VDAC1: variants seen among roughly 807,000 people sequenced by gnomAD.
VDAC1 encodes voltage dependent anion channel 1.
Under a neutral mutation model 34.7 loss-of-function variants are expected in VDAC1, and 10 were observed. The observed-to-expected ratio is 0.29, with a 90% CI of 0.18 to 0.49. The LOEUF is 0.49. Ranked by LOEUF, VDAC1 falls within the 20% of genes least tolerant of loss-of-function variation. The probability of loss-of-function intolerance (pLI) is 0.99; values close to 1 mark genes in which losing one functional copy is unlikely to be tolerated. For synonymous variants in VDAC1, 130 were observed against 136.0 expected, an observed-to-expected ratio of 0.96 and a Z score of 0.30; for missense variants, 230 against 347.9, an observed-to-expected ratio of 0.66 and a Z score of 2.69.
the VDAC1 span, among the ~76,000 whole-genome samples, chr5:134,024,154 A>T: frequency 1.3e-5 from 2 of 151,248 alleles, no homozygotes; most frequent in African/African-American, 4.9e-5. Flanking sequence ...AGAGGAAAAA[A>T]AAAAAGAATG....
chr5:134,099,741 A>G, the VDAC1 span, among the ~76,000 whole-genome samples: 8 of 152,104 alleles, frequency 5.3e-5, no homozygotes, highest in Non-Finnish European at 7.4e-5. Context: ...CATCATCCCC[A>G]GCTAATTTTG....
intron 7 of VDAC1, among the ~76,000 whole-genome samples, chr5:133,974,964 AACAAAC>A (rs1273343726): frequency 6.8e-6 from 1 of 147,764 alleles, no homozygotes; most frequent in African/African-American, 2.5e-5. Flanking sequence ...CAAAAAAAAA[AACAAAC>A]AAACAGAGAT....
the VDAC1 span, among the ~76,000 whole-genome samples, chr5:134,095,484 G>GCAAA: frequency 7.0e-6 from 1 of 142,558 alleles, no homozygotes; most frequent in African/African-American, 2.6e-5. Context: ...CTCTGTCTCA[G>GCAAA]TAAATAAATA....
At chr5:133,979,208 T>C (rs1474066978) in intron 6 of VDAC1, among the ~76,000 whole-genome samples, 2 of 152,076 alleles carry the variant, frequency 1.3e-5, no homozygotes, top group Non-Finnish European at 2.9e-5. Flanking sequence ...GAAGCTCAGA[T>C]ATGTGGGGGA....
the VDAC1 span, among the ~76,000 whole-genome samples, chr5:134,101,316 G>A: frequency 6.6e-5 from 10 of 152,160 alleles, no homozygotes; most frequent in Admixed American, 5.9e-4. Flanking sequence ...TTGGCCAGGC[G>A]CGGTGGCTCA....
At chr5:134,015,040 T>G in the VDAC1 span, among the ~76,000 whole-genome samples, 1 of 152,144 alleles carries the variant, frequency 6.6e-6, no homozygotes, top group African/African-American at 2.4e-5. Context: ...TAAAAAATAA[T>G]GAAATCATGT....
At chr5:133,981,017 T>A in intron 5 of VDAC1, 61 bp from the exon 6 acceptor site, 2 of 199,010 alleles carry the variant, frequency 1.0e-5, no homozygotes, top group Non-Finnish European at 1.7e-5. Flanking sequence ...GCAAGTTGTC[T>A]TTTTTTTTTT....
chr5:134,113,993 A>G, the VDAC1 span, among the ~76,000 whole-genome samples: 1 of 152,162 alleles, frequency 6.6e-6, no homozygotes, highest in African/African-American at 2.4e-5. Context: ...TGGGACTTGG[A>G]GGATCGGCTG....
chr5:134,018,675 A>G, the VDAC1 span, among the ~76,000 whole-genome samples: 1 of 152,160 alleles, frequency 6.6e-6, no homozygotes, highest in African/African-American at 2.4e-5. Flanking sequence ...AGATAGGAGG[A>G]TATTTAGGGC....
intron 3 of VDAC1, 64 bp from the exon 4 acceptor site, chr5:133,991,218 T>TA (rs1370004866): frequency 6.3e-7 from 1 of 1,593,688 alleles, no homozygotes; most frequent in Non-Finnish European, 8.5e-7. Flanking sequence ...ACTTCACTCC[T>TA]AAACACTATA....
the VDAC1 span, among the ~76,000 whole-genome samples, chr5:134,096,066 C>T: frequency 6.6e-6 from 1 of 152,234 alleles, no homozygotes; most frequent in African/African-American, 2.4e-5. Flanking sequence ...CGCCAGCCAC[C>T]GAGTCAGACT....
intron 1 of VDAC1, among the ~76,000 whole-genome samples, chr5:133,993,310 G>A (rs1753174381): frequency 6.6e-6 from 1 of 152,172 alleles, no homozygotes. Flanking sequence ...GTAGGAGTCA[G>A]GAAATATTTG....
chr5:134,100,981 C>T, the VDAC1 span, among the ~76,000 whole-genome samples: 1 of 152,282 alleles, frequency 6.6e-6, no homozygotes, highest in Admixed American at 6.5e-5. Context: ...GCCTGGCTTC[C>T]TCCTTCTGAT....
the VDAC1 span, among the ~76,000 whole-genome samples, chr5:134,011,070 G>T: frequency 6.6e-5 from 10 of 151,706 alleles, no homozygotes; most frequent in African/African-American, 2.4e-4. Context: ...TATAGTAGAT[G>T]ATGATTAGTG....
chr5:134,016,642 T>C, the VDAC1 span, among the ~76,000 whole-genome samples: 1 of 152,204 alleles, frequency 6.6e-6, no homozygotes, highest in Non-Finnish European at 1.5e-5. Context: ...CGGGCACCAC[T>C]TTGTTTTTTA....
chr5:134,040,159 G>C, the VDAC1 span, among the ~76,000 whole-genome samples: 2 of 152,210 alleles, frequency 1.3e-5, no homozygotes, highest in Non-Finnish European at 2.9e-5. Flanking sequence ...TGGCTGGCAC[G>C]GTGGCTCACA....
At chr5:134,104,317 T>C in the VDAC1 span, among the ~76,000 whole-genome samples, 1 of 152,118 alleles carries the variant, frequency 6.6e-6, no homozygotes, top group Admixed American at 6.5e-5. Context: ...TCACACTCAG[T>C]GGGTGCAGGG....
chr5:134,112,504 C>T, the VDAC1 span, among the ~76,000 whole-genome samples: 1 of 152,350 alleles, frequency 6.6e-6, no homozygotes, highest in East Asian at 1.9e-4. Context: ...ACTCACCCAC[C>T]CTCTCCTCTG....
the VDAC1 span, among the ~76,000 whole-genome samples, chr5:134,065,012 G>C: frequency 6.6e-6 from 1 of 152,102 alleles, no homozygotes; most frequent in Admixed American, 6.6e-5. Flanking sequence ...GAGCCACCAT[G>C]CCCGGCCTTA....
Sources: allele counts gnomAD v4.1 joint callset (sites outside exome capture counted in the v4.1 genomes callset), GRCh38; gene constraint gnomAD v4.1.1; transcripts MANE v1.5; gene names NCBI Gene and HGNC (gene_info 2026-07-23, HGNC 2026-07-21).